CHIC1: variants seen among roughly 807,000 people sequenced by gnomAD.
The protein encoded by CHIC1 is cysteine rich hydrophobic domain 1.
CHIC1 carries 7 observed loss-of-function variants against 18.5 expected under a neutral mutation model. That is an observed-to-expected ratio of 0.38 (90% CI 0.22 to 0.71). The LOEUF (loss-of-function observed/expected upper bound fraction) is 0.71, where lower values mean the gene tolerates loss of function less well. Among genes scored for constraint, CHIC1 ranks in the 30% least tolerant of loss-of-function variants. The pLI is 0.49. For missense variants in CHIC1, 159 were observed against 176.9 expected (o/e 0.90, Z 0.57); for synonymous variants, 77 against 73.5 (o/e 1.05, Z -0.25).
At chrX:73,606,459 A>G (rs1232147876) in intron 3 of CHIC1, among the ~76,000 whole-genome samples, 3 of 106,273 alleles carry the variant, frequency 2.8e-5, no homozygotes, top group African/African-American at 1.1e-4. Flanking sequence ...GTTTGTTGTT[A>G]CCCACCTTCT....
chrX:73,673,370 C>T (rs1434571501), intron 3 of CHIC1, among the ~76,000 whole-genome samples: 1 of 111,822 alleles, frequency 8.9e-6, no homozygotes, highest in Non-Finnish European at 1.9e-5. Flanking sequence ...CTGATTCTTC[C>T]TACCCATGAG....
At chrX:73,663,437 T>C (rs1474142134) in intron 3 of CHIC1, among the ~76,000 whole-genome samples, 1 of 110,572 alleles carries the variant, frequency 9.0e-6, no homozygotes, top group Non-Finnish European at 1.9e-5. Flanking sequence ...ATTGGGCTAA[T>C]AGGTCTCGTT....
chrX:73,583,448 G>A (rs1471446141), intron 2 of CHIC1, among the ~76,000 whole-genome samples: 3 of 110,460 alleles, frequency 2.7e-5, no homozygotes, highest in East Asian at 2.9e-4. Context: ...CTGCTAATGC[G>A]GTTTTTATTT....
At position 73,676,827 on chromosome X, in the gene CHIC1, GTTC is replaced by G. The variant is rs767214640; in HGVS notation, c.508-2494_508-2492del. On this transcript the variant is annotated intron_variant, in intron 3 of 5. Transcript: ENST00000373502. ...GGTGCTCTGATTTTTACAGTTTCCA[GTTC>G]TTCTGCTCTGTTTTTTTCCCGTCTT... Among the ~76,000 whole-genome samples the G allele has an allele frequency of 1.7e-4, 19 of 110,747 alleles. No homozygotes were observed. The East Asian group carries it at 5.1e-3, about 30-fold the overall frequency.
At chrX:73,641,328 G>C (rs1340060735) in intron 3 of CHIC1, among the ~76,000 whole-genome samples, 1 of 110,353 alleles carries the variant, frequency 9.1e-6, no homozygotes, top group African/African-American at 3.3e-5. Context: ...GGAGTGAAGA[G>C]TTCTGTAGAT....
At chrX:73,676,311 A>G (rs1295745689) in intron 3 of CHIC1, among the ~76,000 whole-genome samples, 1 of 112,106 alleles carries the variant, frequency 8.9e-6, no homozygotes, top group South Asian at 3.7e-4. Context: ...CTCCTGGAGA[A>G]TATCCTGGAG....
intron 1 of CHIC1, among the ~76,000 whole-genome samples, chrX:73,576,891 A>C (rs777990335): frequency 1.8e-5 from 2 of 110,858 alleles, no homozygotes; most frequent in Non-Finnish European, 3.8e-5. Context: ...CATAAGGATT[A>C]AACTTTGAGT....
intron 3 of CHIC1, among the ~76,000 whole-genome samples, chrX:73,665,216 G>A (rs2057998707): frequency 9.0e-6 from 1 of 110,582 alleles, no homozygotes. Flanking sequence ...GCCCAGAAAC[G>A]GCAAGGCTGA....
At chrX:73,594,096 T>C (rs1391345857) in intron 3 of CHIC1, among the ~76,000 whole-genome samples, 3 of 111,280 alleles carry the variant, frequency 2.7e-5, no homozygotes, top group Non-Finnish European at 5.7e-5. Context: ...GGGTTTTTTT[T>C]CCCTCTTGAA....
intron 3 of CHIC1, among the ~76,000 whole-genome samples, chrX:73,661,656 G>A (rs2057981086): frequency 9.0e-6 from 1 of 111,526 alleles, no homozygotes; most frequent in African/African-American, 3.3e-5. Context: ...GTGCACACAG[G>A]GTGGGCTCCA....
intron 3 of CHIC1, among the ~76,000 whole-genome samples, chrX:73,593,776 T>C (rs2057593157): frequency 9.0e-6 from 1 of 111,694 alleles, no homozygotes; most frequent in South Asian, 3.7e-4. Flanking sequence ...TTTGGTGCTT[T>C]TTTAATATGG....
At chrX:73,655,830 A>C (rs1419241622) in intron 3 of CHIC1, among the ~76,000 whole-genome samples, 7 of 109,695 alleles carry the variant, frequency 6.4e-5, no homozygotes, top group Non-Finnish European at 1.3e-4. Context: ...TATTCCCAGC[A>C]ATGGGATTGC....
intron 2 of CHIC1, among the ~76,000 whole-genome samples, chrX:73,582,932 T>C (rs2057534584): frequency 9.0e-6 from 1 of 110,890 alleles, no homozygotes; most frequent in African/African-American, 3.3e-5. Flanking sequence ...TCTTGTGCAC[T>C]AAGTTTGTTA....
intron 3 of CHIC1, among the ~76,000 whole-genome samples, chrX:73,666,924 A>G (rs2058007140): frequency 9.0e-6 from 1 of 111,700 alleles, no homozygotes; most frequent in Non-Finnish European, 1.9e-5. Context: ...TTCTATCTCA[A>G]TGATCTGTCT....
rs1186383589 is a variant in CHIC1 at position 73,638,533 on chromosome X, A to C, written c.508-40793A>C. Reference sequence around the variant, plus strand: ...TTTTGAAGATGTCTTTTCTTTAAAAAAAAAATATTTTAGGTTCAGGGTACA... The same window carrying C: ...TTTTGAAGATGTCTTTTCTTTAAAACAAAAATATTTTAGGTTCAGGGTACA... On this transcript the variant is annotated intron_variant, in intron 3 of 5. Transcript: ENST00000373502. Among the ~76,000 whole-genome samples, 3 of 111,624 alleles carry C rather than the reference A, an allele frequency of 2.7e-5. No individual in the cohort carries two copies. In the East Asian group the frequency reaches 8.4e-4, roughly 31 times the overall value.
At chrX:73,605,970 C>T (rs1354177041) in intron 3 of CHIC1, among the ~76,000 whole-genome samples, 1 of 107,923 alleles carries the variant, frequency 9.3e-6, no homozygotes, top group African/African-American at 3.6e-5. Context: ...GATTATGTGT[C>T]TTGGAGTTGC....
chrX:73,563,440 GGAA>G lies in CHIC1; in HGVS notation c.159_161del (p.Glu68del). ...ACGAGGAGGATGAGGAGGAAGAGGA[GGAA>G]GAGGAGGAGGAGGAAGAAGAGGAGG... On this transcript the variant is annotated inframe_deletion, in exon 1 of 6. Transcript: ENST00000373502. 8.6e-7 allele frequency: 1 copy of G among 1,162,809 alleles called. No homozygotes were observed. The highest frequency in any genetic ancestry group is 3.2e-5 in the East Asian group (1 of 31,201).
chrX:73,619,037 G>A (rs982603731), intron 3 of CHIC1, among the ~76,000 whole-genome samples: 23 of 111,778 alleles, frequency 2.1e-4, no homozygotes, highest in African/African-American at 7.2e-4. Context: ...GTTCCAGGTA[G>A]GGTCAAATCT....
At chrX:73,592,244 G>A (rs1260131563) in intron 3 of CHIC1, among the ~76,000 whole-genome samples, 2 of 110,966 alleles carry the variant, frequency 1.8e-5, no homozygotes, top group Admixed American at 1.9e-4. Context: ...TGTTGAATAG[G>A]AGTGGTGGGA....
Sources: allele counts gnomAD v4.1 joint callset (sites outside exome capture counted in the v4.1 genomes callset), GRCh38; gene constraint gnomAD v4.1.1; transcripts MANE v1.5; gene names NCBI Gene and HGNC (gene_info 2026-07-23, HGNC 2026-07-21).